SORCS2: variants seen among roughly 807,000 people sequenced by gnomAD.
The protein encoded by SORCS2 is VPS10 domain-containing receptor SorCS2.
A neutral mutation model predicts 141.6 loss-of-function variants in SORCS2; 100 were observed. The observed-to-expected ratio is 0.71, with a 90% CI of 0.60 to 0.83. SORCS2 has a LOEUF of 0.83. Among genes scored for constraint, SORCS2 ranks in the 40% least tolerant of loss-of-function variants. SORCS2 has a pLI of 0.00. For synonymous variants in SORCS2, 789 were observed against 676.9 expected (o/e 1.17, Z -2.57); for missense variants, 1,646 against 1,560.2 (o/e 1.05, Z -0.93).
At chr4:7,412,014 A>G (rs1158143110) in intron 2 of SORCS2, among the ~76,000 whole-genome samples, 2 of 152,196 alleles carry the variant, frequency 1.3e-5, no homozygotes, top group African/African-American at 4.8e-5. Context: ...AGGTCTATCA[A>G]GTCTGTGCAG....
At chr4:7,570,120 T>C (rs2109707214) in intron 3 of SORCS2, among the ~76,000 whole-genome samples, 1 of 152,334 alleles carries the variant, frequency 6.6e-6, no homozygotes, top group East Asian at 1.9e-4. Flanking sequence ...GTGTTATTGA[T>C]AGAGCCGGAG....
chr4:7,250,167 G>A lies in SORCS2; in HGVS notation c.480+57041G>A, dbSNP rs1276915510. 1.4e-4 allele frequency among the ~76,000 whole-genome samples: 21 copies of A among 152,256 alleles called. No individual in the cohort carries two copies. The Middle Eastern group carries it at 0.014, about 99-fold the overall frequency. On this transcript the variant is annotated intron_variant, in intron 1 of 26. Transcript: ENST00000507866. ...TGAGGCAGGAAAATCACTTGAACCC[G>A]GGAGGCGGAGGTTGCAGTGACCTGA... is the stretch of plus-strand genomic sequence containing the variant.
At chr4:7,658,203 A>G (rs1265221553) in intron 5 of SORCS2, among the ~76,000 whole-genome samples, 1 of 149,402 alleles carries the variant, frequency 6.7e-6, no homozygotes. Flanking sequence ...GGTTAAATGA[A>G]TAAGTGAGTC....
At chr4:7,472,019 G>A (rs763122616) in intron 2 of SORCS2, among the ~76,000 whole-genome samples, 4 of 152,216 alleles carry the variant, frequency 2.6e-5, no homozygotes, top group Non-Finnish European at 4.4e-5. Context: ...CTAGTGCTTC[G>A]ACCCTGACCT....
chr4:7,192,949 T>C lies in SORCS2; in HGVS notation c.303T>C (p.Ala101=), dbSNP rs1002054882. The C allele has an allele frequency of 4.2e-5, 56 of 1,331,628 alleles. No individual in the cohort carries two copies. The highest frequency in any genetic ancestry group is 1.2e-4 in the Admixed American group (3 of 24,304). The allele number at this position is 1,331,628 out of a possible 1,614,324, so 82.5% of individuals were successfully genotyped here. Reference sequence around the variant, plus strand: ...CCCCGGGTCCGAGTCCCGGTCCCGCTCCTGGTCCCGGCGAGGACGGCGCCC... The same window carrying C: ...CCCCGGGTCCGAGTCCCGGTCCCGCCCCTGGTCCCGGCGAGGACGGCGCCC... ...PGAPGPSPGP[A]PGPGEDGAPA... is the part of the protein sequence containing the mutation. Residue 101 remains alanine (A), a synonymous_variant, in exon 1 of 27, where the codon GCT becomes GCC. Coordinates refer to ENST00000507866, the MANE Select transcript of SORCS2 (RefSeq NM_020777.3). The surrounding 1 kb of genome is among the most constrained non-coding windows in gnomAD (Gnocchi z 4.0).
At chr4:7,279,009 C>G (rs905146611) in intron 1 of SORCS2, among the ~76,000 whole-genome samples, 7 of 152,176 alleles carry the variant, frequency 4.6e-5, no homozygotes, top group African/African-American at 7.2e-5. Context: ...ACCCTTGAAG[C>G]CACCATCTAC....
At chr4:7,463,152 G>C (rs1271066288) in intron 2 of SORCS2, among the ~76,000 whole-genome samples, 1 of 152,144 alleles carries the variant, frequency 6.6e-6, no homozygotes, top group African/African-American at 2.4e-5. Context: ...GGGCCAGGGA[G>C]CCTGGCCCCG....
chr4:7,279,665 A>G (rs1715738798), intron 1 of SORCS2, among the ~76,000 whole-genome samples: 1 of 152,186 alleles, frequency 6.6e-6, no homozygotes, highest in South Asian at 2.1e-4. Context: ...GGGAAGTACG[A>G]GATTGAGTGT....
chr4:7,304,989 C>T (rs761422089), intron 1 of SORCS2, among the ~76,000 whole-genome samples: 4 of 151,738 alleles, frequency 2.6e-5, no homozygotes, highest in East Asian at 3.9e-4. Flanking sequence ...CCCTTGCTGT[C>T]GGCTCCAGAG....
intron 1 of SORCS2, among the ~76,000 whole-genome samples, chr4:7,348,656 AT>A (rs1319659311): frequency 6.6e-6 from 1 of 152,148 alleles, no homozygotes; most frequent in African/African-American, 2.4e-5. Flanking sequence ...GGTTCAAGAG[AT>A]TCTCCTGCCT....
At chr4:7,523,480 C>A (rs1231432057) in intron 2 of SORCS2, among the ~76,000 whole-genome samples, 1 of 152,234 alleles carries the variant, frequency 6.6e-6, no homozygotes, top group South Asian at 2.1e-4. Flanking sequence ...GCCGGGAGAT[C>A]TGTGTGGGCT....
intron 4 of SORCS2, among the ~76,000 whole-genome samples, chr4:7,647,839 C>A (rs182596877): frequency 9.2e-5 from 14 of 152,366 alleles, no homozygotes; most frequent in African/African-American, 3.1e-4. Context: ...AGGGAACCTG[C>A]CATGGGAAGC....
At chr4:7,248,474 C>T (rs950604965) in intron 1 of SORCS2, among the ~76,000 whole-genome samples, 9 of 152,138 alleles carry the variant, frequency 5.9e-5, no homozygotes, top group South Asian at 2.1e-4. Flanking sequence ...ATGACCTTTC[C>T]GTGCCAGTGT....
chr4:7,321,940 C>CT (rs375404690), intron 1 of SORCS2, among the ~76,000 whole-genome samples: 140 of 152,278 alleles, frequency 9.2e-4, no homozygotes, highest in African/African-American at 3.0e-3. Context: ...GTTGGCGTGG[C>CT]TTGGTGTGCA....
intron 1 of SORCS2, among the ~76,000 whole-genome samples, chr4:7,361,856 T>G (rs1007825326): frequency 6.8e-6 from 1 of 146,886 alleles, no homozygotes; most frequent in Non-Finnish European, 1.5e-5. Context: ...CAGAGAAGCT[T>G]CTGAGTGTGG....
At chr4:7,624,238 G>A (rs918915473) in intron 3 of SORCS2, among the ~76,000 whole-genome samples, 1 of 152,104 alleles carries the variant, frequency 6.6e-6, no homozygotes, top group African/African-American at 2.4e-5. Context: ...CAGAAGTGTA[G>A]CTTCCCCACC....
intron 2 of SORCS2, among the ~76,000 whole-genome samples, chr4:7,488,303 G>A (rs995415190): frequency 2.6e-5 from 4 of 152,216 alleles, no homozygotes; most frequent in Non-Finnish European, 2.9e-5. Flanking sequence ...GAAAGCGGCC[G>A]CAGTTGTGCA....
intron 1 of SORCS2, among the ~76,000 whole-genome samples, chr4:7,208,487 G>T (rs1727873198): frequency 6.6e-6 from 1 of 152,176 alleles, no homozygotes; most frequent in African/African-American, 2.4e-5. Flanking sequence ...GTGCCAGACT[G>T]TGTGCTAGGC....
intron 3 of SORCS2, among the ~76,000 whole-genome samples, chr4:7,557,509 C>G (rs887034691): frequency 6.6e-6 from 1 of 152,238 alleles, no homozygotes; most frequent in African/African-American, 2.4e-5. Flanking sequence ...CTTTATCACA[C>G]TTTTAAGTAG....
Sources: gnomAD v4.1 joint callset for allele counts (sites outside exome capture counted in the v4.1 genomes callset) on GRCh38, gnomAD v4.1.1 for gene constraint, Gnocchi (gnomAD v3.1) non-coding constraint, MANE v1.5 for transcripts, NCBI Gene and HGNC (gene_info 2026-07-23, HGNC 2026-07-21) for gene names.